The following ASAP1 variants were observed in gnomAD, a reference collection of about 807,000 sequenced individuals.
ASAP1 encodes the protein arf-GAP with SH3 domain, ANK repeat and PH domain-containing protein 1.
A neutral mutation model predicts 145.2 loss-of-function variants in ASAP1; 43 were observed. That is an observed-to-expected ratio of 0.30 (90% CI 0.23 to 0.38). The LOEUF is 0.38. Among genes scored for constraint, ASAP1 ranks in the 10% least tolerant of loss-of-function variants. The probability of loss-of-function intolerance (pLI) is 1.00; values close to 1 mark genes in which losing one functional copy is unlikely to be tolerated. For missense variants in ASAP1, 1,018 were observed against 1,355.3 expected (o/e 0.75, Z 3.91); for synonymous variants, 546 against 515.5 (o/e 1.06, Z -0.80).
At chr8:130,441,360 A>C (rs1830482388) in intron 1 of ASAP1, among the ~76,000 whole-genome samples, 1 of 152,218 alleles carries the variant, frequency 6.6e-6, no homozygotes, top group African/African-American at 2.4e-5. Flanking sequence ...AGTGCTTAAT[A>C]AATGGGGTGA....
chr8:130,052,735 G>GTTTTTTTTTTTTTTTTTTT lies in ASAP1; in HGVS notation c.*1995_*1996insAAAAAAAAAAAAAAAAAAA, dbSNP rs5895032. 2.5e-5 allele frequency: 3 copies of GTTTTTTTTTTTTTTTTTTT among 122,140 alleles called. No individual in the cohort carries two copies. The highest frequency in any genetic ancestry group is 5.1e-5 in the Non-Finnish European group (3 of 58,480). The allele number at this position is 122,140 out of a possible 1,614,324, so 7.6% of individuals were successfully genotyped here. On this transcript the variant is annotated 3_prime_UTR_variant, in exon 30 of 30. Coordinates refer to ENST00000518721, the MANE Select transcript of ASAP1 (RefSeq NM_018482.4). ...GCTTTTGTGTTTTTTTTTTGTTTTTGTTTTTTTTTTTTTTTTGAAAAAAAC... is the reference window on the plus strand; with the variant it reads ...GCTTTTGTGTTTTTTTTTTGTTTTTGTTTTTTTTTTTTTTTTTTTTTTTTTTTTTTTTTTTGAAAAAAAC...
intron 1 of ASAP1, among the ~76,000 whole-genome samples, chr8:130,434,239 C>T (rs1451945864): frequency 6.6e-6 from 1 of 152,134 alleles, no homozygotes; most frequent in Non-Finnish European, 1.5e-5. Flanking sequence ...TCACTTGAAC[C>T]TGGGAGGATT....
intron 3 of ASAP1, among the ~76,000 whole-genome samples, chr8:130,354,857 G>T (rs1214607981): frequency 6.6e-6 from 1 of 152,152 alleles, no homozygotes; most frequent in Non-Finnish European, 1.5e-5. Flanking sequence ...GTAAAGCCCA[G>T]AAGTAAACCA....
intron 24 of ASAP1, among the ~76,000 whole-genome samples, chr8:130,092,736 T>TA (rs1282012590): frequency 2.0e-5 from 3 of 152,044 alleles, no homozygotes; most frequent in Non-Finnish European, 4.4e-5. Context: ...ACACACATCT[T>TA]AAAACAATAA....
chr8:130,329,799 C>A (rs991560073), intron 3 of ASAP1, among the ~76,000 whole-genome samples: 4 of 152,192 alleles, frequency 2.6e-5, no homozygotes, highest in Non-Finnish European at 4.4e-5. Context: ...ACTAGGGCAG[C>A]CTCAGATGGC....
At chr8:130,296,639 C>T (rs1822295812) in intron 3 of ASAP1, among the ~76,000 whole-genome samples, 1 of 151,874 alleles carries the variant, frequency 6.6e-6, no homozygotes, top group African/African-American at 2.4e-5. Context: ...ACCTCAGATC[C>T]TGCATCAAGG....
intron 3 of ASAP1, among the ~76,000 whole-genome samples, chr8:130,291,164 T>C (rs1186383773): frequency 6.6e-6 from 1 of 152,192 alleles, no homozygotes; most frequent in Non-Finnish European, 1.5e-5. Flanking sequence ...AACTGGTATG[T>C]AAATGGAAAC....
At position 130,185,694 on chromosome 8, in the gene ASAP1, ACTCTAGCCTGGG is replaced by A. The variant is rs1814667676; in HGVS notation, c.530+1530_530+1541del. Among the ~76,000 whole-genome samples the A allele has an allele frequency of 2.7e-5, 4 of 146,090 alleles. No individual in the cohort carries two copies. The Admixed American group carries it at 2.8e-4, about 10-fold the overall frequency. ...CAGTGAGACGAGATTGAGCCACTGA[ACTCTAGCCTGGG>A]CAACAAGAGTGAAACTCCGCCTCAA... On this transcript the variant is annotated intron_variant, in intron 7 of 29. Transcript: ENST00000518721.
chr8:130,371,146 T>C (rs1246465217), intron 2 of ASAP1, among the ~76,000 whole-genome samples: 2 of 152,224 alleles, frequency 1.3e-5, no homozygotes, highest in Non-Finnish European at 2.9e-5. Flanking sequence ...GTATCTACTA[T>C]ATACAAGGCA....
chr8:130,100,265 G>T (rs762531944), intron 24 of ASAP1, among the ~76,000 whole-genome samples: 1 of 152,152 alleles, frequency 6.6e-6, no homozygotes, highest in African/African-American at 2.4e-5. Context: ...CTCATGATTA[G>T]TGATGTTGAG....
intron 5 of ASAP1, among the ~76,000 whole-genome samples, chr8:130,188,476 G>A (rs1474098014): frequency 6.6e-6 from 1 of 151,894 alleles, no homozygotes; most frequent in Admixed American, 6.6e-5. Context: ...GCTTACGCCT[G>A]TAATCCCAGC....
At chr8:130,407,504 C>T (rs1055270016) in intron 1 of ASAP1, among the ~76,000 whole-genome samples, 1 of 152,190 alleles carries the variant, frequency 6.6e-6, no homozygotes, top group Non-Finnish European at 1.5e-5. Flanking sequence ...AAATATCTGT[C>T]GAAGGAGTGA....
chr8:130,437,272 T>C (rs966309571), intron 1 of ASAP1, among the ~76,000 whole-genome samples: 1 of 152,260 alleles, frequency 6.6e-6, no homozygotes, highest in African/African-American at 2.4e-5. Flanking sequence ...AGGAATAACA[T>C]AGAGTCCCAG....
At chr8:130,131,592 T>G (rs1586394080) in intron 15 of ASAP1, among the ~76,000 whole-genome samples, 1 of 99,226 alleles carries the variant, frequency 1.0e-5, no homozygotes, top group Non-Finnish European at 1.8e-5. Flanking sequence ...CAGCAAGACC[T>G]CATGGCTACT....
At chr8:130,423,300 C>A (rs1829792872) in intron 1 of ASAP1, among the ~76,000 whole-genome samples, 2 of 152,140 alleles carry the variant, frequency 1.3e-5, no homozygotes, top group South Asian at 2.1e-4. Context: ...TATCTTTAGT[C>A]CATCAGCTAT....
chr8:130,422,897 C>T (rs1476607315), intron 1 of ASAP1, among the ~76,000 whole-genome samples: 1 of 152,170 alleles, frequency 6.6e-6, no homozygotes, highest in Non-Finnish European at 1.5e-5. Flanking sequence ...AAAGATGGAT[C>T]CGGAAACAAC....
At chr8:130,167,432 A>G (rs770772460) in intron 11 of ASAP1, 104 bp downstream of exon 11, 2 of 920,144 alleles carry the variant, frequency 2.2e-6, no homozygotes, top group Non-Finnish European at 3.7e-6. Flanking sequence ...ATACTTGCAT[A>G]TTATATATCA....
At chr8:130,332,374 G>A (rs1031398619) in intron 3 of ASAP1, among the ~76,000 whole-genome samples, 2 of 152,096 alleles carry the variant, frequency 1.3e-5, no homozygotes, top group Non-Finnish European at 2.9e-5. Context: ...TGCACTTTTT[G>A]AATATTCAAT....
intron 9 of ASAP1, among the ~76,000 whole-genome samples, chr8:130,173,963 CCCAGCTACTTGGGA>C: frequency 6.6e-6 from 1 of 151,832 alleles, no homozygotes; most frequent in Admixed American, 6.6e-5. Context: ...CGCCTGTAGT[CCCAGCTACTTGGGA>C]GGCTGAGGCA....
Sources: gnomAD v4.1 joint callset for allele counts (sites outside exome capture counted in the v4.1 genomes callset) on GRCh38, gnomAD v4.1.1 for gene constraint, MANE v1.5 for transcripts, NCBI Gene and HGNC (gene_info 2026-07-23, HGNC 2026-07-21) for gene names.